PARD3: variants seen among roughly 807,000 people sequenced by gnomAD.
PARD3 encodes partitioning defective 3 homolog.
In PARD3, 75 loss-of-function variants were observed where a neutral mutation model predicts 155.4. That is an observed-to-expected ratio of 0.48 (90% CI 0.40 to 0.58). The LOEUF is 0.58. Among genes scored for constraint, PARD3 ranks in the 20% least tolerant of loss-of-function variants. The pLI, the probability that PARD3 is intolerant of heterozygous loss-of-function variation, is 0.00. For missense variants in PARD3, 1,642 were observed against 1,721.7 expected (o/e 0.95, Z 0.82); for synonymous variants, 576 against 610.5 (o/e 0.94, Z 0.83).
intron 22 of PARD3, among the ~76,000 whole-genome samples, chr10:34,192,961 G>T (rs1317221470): frequency 6.6e-6 from 1 of 152,136 alleles, no homozygotes; most frequent in Non-Finnish European, 1.5e-5. Flanking sequence ...CCAATTCTTA[G>T]CTTAAACCCA....
chr10:34,725,105 T>TTGTGTGTGTGTG (rs71033342), intron 1 of PARD3, among the ~76,000 whole-genome samples: 93 of 135,868 alleles, frequency 6.8e-4, no homozygotes, highest in Middle Eastern at 3.8e-3. Context: ...AGTCAAAACT[T>TTGTGTGTGTGTG]TGTGTGTGTG....
intron 2 of PARD3, among the ~76,000 whole-genome samples, chr10:34,561,169 GGT>G (rs1450972285): frequency 6.6e-6 from 1 of 152,126 alleles, no homozygotes. Flanking sequence ...AGGGGTGTGA[GGT>G]GGGAGGAGGA....
intron 2 of PARD3, among the ~76,000 whole-genome samples, chr10:34,555,978 G>A (rs2084948507): frequency 6.6e-6 from 1 of 152,218 alleles, no homozygotes; most frequent in South Asian, 2.1e-4. Context: ...AGGACAGAGA[G>A]AGAGATCTCT....
chr10:34,346,641 G>A (rs980363130), intron 15 of PARD3, among the ~76,000 whole-genome samples: 1 of 152,180 alleles, frequency 6.6e-6, no homozygotes, highest in African/African-American at 2.4e-5. Flanking sequence ...TAAGTAATAA[G>A]CAAAGATTTG....
At chr10:34,537,915 T>C in intron 2 of PARD3, among the ~76,000 whole-genome samples, 1 of 152,228 alleles carries the variant, frequency 6.6e-6, no homozygotes, top group East Asian at 1.9e-4. Context: ...AAGAGAAGGT[T>C]ATTTATAAAT....
At chr10:34,389,530 C>T (rs1056028117) in intron 7 of PARD3, among the ~76,000 whole-genome samples, 2 of 152,124 alleles carry the variant, frequency 1.3e-5, no homozygotes, top group Admixed American at 1.3e-4. Context: ...TCCAAATTGG[C>T]TGAGTAAGTC....
chr10:34,724,603 A>C (rs2094667170), intron 1 of PARD3, among the ~76,000 whole-genome samples: 1 of 152,220 alleles, frequency 6.6e-6, no homozygotes, highest in Non-Finnish European at 1.5e-5. Flanking sequence ...ACTATAGTGA[A>C]TATATATAAG....
At chr10:34,345,012 G>C in intron 15 of PARD3, 1 of 985,154 alleles carries the variant, frequency 1.0e-6, no homozygotes. Flanking sequence ...GTCACCATGG[G>C]TGCCAGGATA....
Position 34,227,851 on chromosome 10 carries a change from A to ATT in PARD3, c.3419+41804_3419+41805dup, listed in dbSNP as rs995113507. 5.2e-4 allele frequency among the ~76,000 whole-genome samples: 17 copies of ATT among 32,780 alleles called. 1 individual carries two copies. Among genetic ancestry groups the ATT allele is most frequent in the African/African-American group, 1.2e-3 (11 of 9,220 alleles). 21.5% of individuals were successfully genotyped at this position (32,780 alleles called of 152,430 possible). On this transcript the variant is annotated intron_variant, in intron 22 of 24. Coordinates refer to ENST00000374788, the MANE Select transcript of PARD3 (RefSeq NM_001184785.2). ...ATATATATTCCCAGTAATGGGAATT[A>ATT]TTTTTTATATATATATATATATATA...
At chr10:34,433,305 AGTCAT>A (rs2076037283) in intron 5 of PARD3, among the ~76,000 whole-genome samples, 2 of 152,224 alleles carry the variant, frequency 1.3e-5, no homozygotes, top group East Asian at 3.8e-4. Flanking sequence ...TCACTGCCTA[AGTCAT>A]GTCCAATATT....
chr10:34,560,622 T>C (rs1032258301), intron 2 of PARD3, among the ~76,000 whole-genome samples: 1 of 152,252 alleles, frequency 6.6e-6, no homozygotes, highest in African/African-American at 2.4e-5. Context: ...AAAGTTAATG[T>C]CAACAGATGC....
At chr10:34,661,347 TAAAAG>T (rs1216260502) in intron 2 of PARD3, among the ~76,000 whole-genome samples, 1 of 152,192 alleles carries the variant, frequency 6.6e-6, no homozygotes, top group Non-Finnish European at 1.5e-5. Flanking sequence ...TCAAAAATGC[TAAAAG>T]AAATGTACAA....
chr10:34,680,731 A>G lies in PARD3; in HGVS notation c.222+15587T>C, dbSNP rs562654293. ...TCATCATTCTCAGTAAACTATCGCA[A>G]GAGCAAAAAACCAAACACCACATAT... On this transcript the variant is annotated intron_variant, in intron 2 of 24. Transcript: ENST00000374788. Among the ~76,000 whole-genome samples the G allele has an allele frequency of 1.7e-4, 26 of 151,314 alleles. No homozygotes were observed. The South Asian group carries it at 5.3e-3, about 31-fold the overall frequency.
At chr10:34,143,771 TAGAATA>T (rs1948321823) in intron 22 of PARD3, among the ~76,000 whole-genome samples, 1 of 152,194 alleles carries the variant, frequency 6.6e-6, no homozygotes, top group African/African-American at 2.4e-5. Context: ...CTTTGAGAAT[TAGAATA>T]AAAGTAGTGA....
At chr10:34,171,239 C>T (rs1170285780) in intron 22 of PARD3, among the ~76,000 whole-genome samples, 1 of 152,214 alleles carries the variant, frequency 6.6e-6, no homozygotes, top group Non-Finnish European at 1.5e-5. Flanking sequence ...GGATCTTTTA[C>T]ATTCCCTGGT....
intron 7 of PARD3, among the ~76,000 whole-genome samples, chr10:34,386,957 G>C (rs61842499): frequency 6.6e-6 from 1 of 152,036 alleles, no homozygotes; most frequent in Non-Finnish European, 1.5e-5. Flanking sequence ...CAGTTTCAAA[G>C]AACATCTTGA....
At chr10:34,627,397 G>A (rs1332023066) in intron 2 of PARD3, among the ~76,000 whole-genome samples, 1 of 152,200 alleles carries the variant, frequency 6.6e-6, no homozygotes, top group Non-Finnish European at 1.5e-5. Context: ...CTAAACTCCA[G>A]TATGTCAGAA....
intron 1 of PARD3, among the ~76,000 whole-genome samples, chr10:34,737,171 C>A (rs1252445320): frequency 6.6e-6 from 1 of 152,122 alleles, no homozygotes; most frequent in Non-Finnish European, 1.5e-5. Flanking sequence ...GACCTGGTCC[C>A]AAGAATACGG....
chr10:34,340,013 AT>A (rs1836631858), intron 16 of PARD3, among the ~76,000 whole-genome samples: 1 of 152,182 alleles, frequency 6.6e-6, no homozygotes, highest in Admixed American at 6.5e-5. Context: ...TAGGGAAGAT[AT>A]TGTCAGGCTG....
Sources: gnomAD v4.1 joint callset for allele counts (sites outside exome capture counted in the v4.1 genomes callset) on GRCh38, gnomAD v4.1.1 for gene constraint, MANE v1.5 for transcripts, NCBI Gene and HGNC (gene_info 2026-07-23, HGNC 2026-07-21) for gene names.